DNMT3A: variants seen among roughly 807,000 people sequenced by gnomAD.
DNMT3A encodes the protein DNA methyltransferase 3 alpha.
A neutral mutation model predicts 117.6 loss-of-function variants in DNMT3A; 267 were observed. That is an observed-to-expected ratio of 2.27 (90% CI 2.05 to 2.51). The LOEUF (loss-of-function observed/expected upper bound fraction) is 2.51, where lower values mean the gene tolerates loss of function less well. DNMT3A is among the 30% of genes most tolerant of loss of function. The pLI is 0.00. For missense variants in DNMT3A, 1,029 were observed against 1,260.2 expected (o/e 0.82, Z 2.78); for synonymous variants, 432 against 474.8 (o/e 0.91, Z 1.17).
intron 6 of DNMT3A, among the ~76,000 whole-genome samples, chr2:25,269,888 G>A (rs2149357533): frequency 6.6e-6 from 1 of 152,270 alleles, no homozygotes; most frequent in Non-Finnish European, 1.5e-5. Context: ...TAAATCTTGG[G>A]GGAGGGAAAG....
chr2:25,304,663 C>G lies in DNMT3A; in HGVS notation c.73-4420G>C, dbSNP rs1300279058. On this transcript the variant is annotated intron_variant, in intron 2 of 22. Coordinates refer to ENST00000321117, the MANE Select transcript of DNMT3A (RefSeq NM_022552.5). The surrounding 1 kb of genome is among the most constrained non-coding windows in gnomAD (Gnocchi z 4.3). ...GTTCCCGGGGGCCAGGAGGATCCAG[C>G]CAAGCTCCTCAGCTCATGTGCAGGG... is the stretch of plus-strand genomic sequence containing the variant. Among the ~76,000 whole-genome samples the G allele has an allele frequency of 6.6e-6, 1 of 152,362 alleles. No homozygotes were observed. Among genetic ancestry groups the G allele is most frequent in the Admixed American group, 6.5e-5 (1 of 15,312 alleles).
In DNMT3A at chr2:25,286,548, G is replaced by A. The variant is rs142082647; in HGVS notation, c.178-3837C>T. On this transcript the variant is annotated intron_variant, in intron 3 of 22. Transcript: ENST00000321117. This position sits in a 1 kb window ranked among gnomAD's most constrained non-coding sequence, Gnocchi z 4.3. ...GATTCAGCCAAAGTTCTGGGATTTG[G>A]GGGGGAGGGCAATGACTTCTGCCAC... 5.3e-5 allele frequency among the ~76,000 whole-genome samples: 8 copies of A among 152,290 alleles called. No individual in the cohort carries two copies. In the South Asian group the frequency reaches 1.0e-3, roughly 20 times the overall value.
intron 16 of DNMT3A, among the ~76,000 whole-genome samples, chr2:25,243,156 T>C (rs13390811): frequency 0.013 from 1,899 of 151,900 alleles, 45 homozygotes; most frequent in African/African-American, 0.043. Context: ...AACACAAAAA[T>C]TAGCTGGGCG....
chr2:25,322,452 C>T (rs140678236), intron 1 of DNMT3A, among the ~76,000 whole-genome samples: 5 of 152,136 alleles, frequency 3.3e-5, no homozygotes, highest in African/African-American at 7.2e-5. Context: ...CCTCCCTCTC[C>T]ACCCCCCACC....
At position 25,254,055 on chromosome 2, in the gene DNMT3A, G is replaced by A. The variant is rs1379282474; in HGVS notation, c.640-5803C>T. 6.7e-6 allele frequency among the ~76,000 whole-genome samples: 1 copy of A among 148,802 alleles called. No homozygotes were observed. The highest frequency in any genetic ancestry group is 1.5e-5 in the Non-Finnish European group (1 of 67,564). ...CCACTGCACTCCAGCCTGGGCAACA[G>A]AGCGAGACTCCGTCTCAAAAAAAAA... On this transcript the variant is annotated intron_variant, in intron 6 of 22. Transcript: ENST00000321117. The surrounding 1 kb of genome is among the most constrained non-coding windows in gnomAD (Gnocchi z 4.7).
rs959814120 is a variant in DNMT3A at position 25,245,476 on chromosome 2, G to C, written c.1475-144C>G. 18 of 680,052 alleles carry C rather than the reference G, an allele frequency of 2.6e-5. No homozygotes were observed. The Admixed American group carries it at 4.5e-4, about 17-fold the overall frequency. The allele number at this position is 680,052 out of a possible 1,614,324, so 42.1% of individuals were successfully genotyped here. ...AGAGTCCAGGGTGCCCCACGGAAAA[G>C]GGAGGCACTGTGACCCCAGTCTCGA... On this transcript the variant is annotated intron_variant, in intron 12 of 22. Transcript: ENST00000321117.
chr2:25,280,027 A>G (rs1296957138), intron 4 of DNMT3A, among the ~76,000 whole-genome samples: 3 of 152,048 alleles, frequency 2.0e-5, no homozygotes, highest in Non-Finnish European at 4.4e-5. Context: ...AGACTTAAAG[A>G]GTTTTTGCCC....
chr2:25,277,055 G>T (rs1185727905), intron 4 of DNMT3A, among the ~76,000 whole-genome samples: 1 of 152,164 alleles, frequency 6.6e-6, no homozygotes, highest in Non-Finnish European at 1.5e-5. Context: ...AGCACCAGGG[G>T]GAGGGAGGCA....
chr2:25,246,892 G>A (rs1674861823), intron 9 of DNMT3A, 116 bp from the exon 10 acceptor site: 10 of 1,519,026 alleles, frequency 6.6e-6, no homozygotes, highest in Middle Eastern at 2.0e-4. Flanking sequence ...GGGAGGAACC[G>A]CTGAGGAGGA....
At chr2:25,283,533 A>G (rs114149800) in intron 3 of DNMT3A, among the ~76,000 whole-genome samples, 2,281 of 152,206 alleles carry the variant, frequency 0.015, 56 homozygotes, top group African/African-American at 0.051. Context: ...ATGAGAGTCG[A>G]AGGAGGACCC....
In DNMT3A at chr2:25,328,686, C is replaced by T. The variant is rs768534747; in HGVS notation, c.-178+13140G>A. Reference sequence around the variant, plus strand: ...CCAGGCAGCTGCAACATCCCCAGCACAGTGCTGCGGTGCCTAGAGCGACCC... The same window carrying T: ...CCAGGCAGCTGCAACATCCCCAGCATAGTGCTGCGGTGCCTAGAGCGACCC... On this transcript the variant is annotated intron_variant, in intron 1 of 22. Transcript: ENST00000321117. 13 of 522,710 alleles carry T rather than the reference C, an allele frequency of 2.5e-5. 1 individual carries two copies. Among genetic ancestry groups the T allele is most frequent in the South Asian group, 1.9e-4 (13 of 68,648 alleles). 32.4% of individuals were successfully genotyped at this position (522,710 alleles called of 1,614,324 possible). A position where few individuals can be genotyped will look rare whatever the true frequency, so the allele number is the denominator to read the frequency against.
chr2:25,259,947 TCC>T (rs1434514436), intron 6 of DNMT3A, among the ~76,000 whole-genome samples: 1 of 152,016 alleles, frequency 6.6e-6, no homozygotes, highest in Non-Finnish European at 1.5e-5. Flanking sequence ...TTCCGGTCTT[TCC>T]CCCCCAACCC....
Position 25,237,965 on chromosome 2 carries a change from G to A in DNMT3A, c.2409-960C>T, listed in dbSNP as rs1345766457. Reference sequence around the variant, plus strand: ...TCCAGGATCTCAGTGTGGGAACCACGGGGCCTGCAGTCAAATCAGGTGCTC... The same window carrying A: ...TCCAGGATCTCAGTGTGGGAACCACAGGGCCTGCAGTCAAATCAGGTGCTC... On this transcript the variant is annotated intron_variant, in intron 20 of 22. Transcript: ENST00000321117. This position sits in a 1 kb window ranked among gnomAD's most constrained non-coding sequence, Gnocchi z 5.4. Among the ~76,000 whole-genome samples, 2 of 152,248 alleles carry A rather than the reference G, an allele frequency of 1.3e-5. No individual in the cohort carries two copies. The highest frequency in any genetic ancestry group is 1.5e-5 in the Non-Finnish European group (1 of 68,042).
chr2:25,318,826 T>C (rs2034481496), intron 1 of DNMT3A, among the ~76,000 whole-genome samples: 1 of 149,666 alleles, frequency 6.7e-6, no homozygotes, highest in Non-Finnish European at 1.5e-5. Flanking sequence ...GCCTCCCAAG[T>C]AGCCGGGACT....
intron 6 of DNMT3A, among the ~76,000 whole-genome samples, chr2:25,256,816 G>A (rs1177604195): frequency 1.3e-5 from 2 of 152,196 alleles, no homozygotes; most frequent in African/African-American, 4.8e-5. Context: ...GAAGGTGATT[G>A]TGTACTCATC....
chr2:25,282,735 A>G lies in DNMT3A; in HGVS notation c.178-24T>C, dbSNP rs1206235826. The G allele has an allele frequency of 6.6e-6, 10 of 1,513,970 alleles. No homozygotes were observed. Among genetic ancestry groups the G allele is most frequent in the Non-Finnish European group, 8.8e-6 (10 of 1,130,658 alleles). The allele number at this position is 1,513,970 out of a possible 1,614,324, so 93.8% of individuals were successfully genotyped here. On this transcript the variant is annotated intron_variant, in intron 3 of 22. Transcript: ENST00000321117. This position sits in a 1 kb window ranked among gnomAD's most constrained non-coding sequence, Gnocchi z 5.2. ...ACCTGCAAATGTAAGAAAGATACAC[A>G]AGAGGAGGGTTAGATCAGTGGGCTT...
chr2:25,247,999 G>A lies in DNMT3A; in HGVS notation c.855+38C>T, dbSNP rs759932961. The A allele has an allele frequency of 2.0e-5, 33 of 1,610,892 alleles. No homozygotes were observed. The highest frequency in any genetic ancestry group is 2.2e-4 in the Middle Eastern group (1 of 4,458). On this transcript the variant is annotated intron_variant, in intron 7 of 22. Transcript: ENST00000321117. This position sits in a 1 kb window ranked among gnomAD's most constrained non-coding sequence, Gnocchi z 5.6. ...GAGGAGCTGGCAGTGGAAGGCCCCC[G>A]GAAAGAGCTGGCCACGGCTGGTGAA...
At chr2:25,249,850 G>A (rs1675297325) in intron 6 of DNMT3A, 5 of 1,092,960 alleles carry the variant, frequency 4.6e-6, no homozygotes, top group Admixed American at 4.1e-5. Flanking sequence ...GATTTAGAGG[G>A]GAGAAAACCC....
chr2:25,300,142 G>C lies in DNMT3A; in HGVS notation c.174C>G (p.Pro58=), dbSNP rs762532386. The C allele has an allele frequency of 6.2e-7, 1 of 1,613,370 alleles. No homozygotes were observed. The highest frequency in any genetic ancestry group is 1.7e-5 in the Admixed American group (1 of 59,994). The change falls in exon 3 of 23, where the codon CCC becomes CCG. Residue 58 remains proline, a synonymous_variant. Coordinates refer to ENST00000321117, the MANE Select transcript of DNMT3A (RefSeq NM_022552.5). ...GTGTGTAGGATGTGACACTCACCGG[G>C]GGGTGCTTGCGCTTCCTCCCAGGCC... ...VGRPGRKRKH[P]PVESGDTPKD...
Sources: gnomAD v4.1 joint callset for allele counts (sites outside exome capture counted in the v4.1 genomes callset) on GRCh38, gnomAD v4.1.1 for gene constraint, Gnocchi (gnomAD v3.1) non-coding constraint, MANE v1.5 for transcripts, NCBI Gene and HGNC (gene_info 2026-07-23, HGNC 2026-07-21) for gene names.